Variants in CHODL observed in about 807,000 individuals in gnomAD.
CHODL encodes the protein transmembrane protein MT75.
A neutral mutation model predicts 34.5 loss-of-function variants in CHODL; 29 were observed. That is an observed-to-expected ratio of 0.84 (90% CI 0.63 to 1.15). The LOEUF (loss-of-function observed/expected upper bound fraction) is 1.15, where lower values mean the gene tolerates loss of function less well. Among genes scored for constraint, CHODL ranks in the 50% most tolerant of loss-of-function variants. The pLI, the probability that CHODL is intolerant of heterozygous loss-of-function variation, is 0.00. For missense variants in CHODL, 332 were observed against 332.5 expected (o/e 1.00, Z 0.01); for synonymous variants, 125 against 116.1 (o/e 1.08, Z -0.49).
intron 2 of CHODL, among the ~76,000 whole-genome samples, chr21:18,106,697 A>G (rs2776083): frequency 0.55 from 82,626 of 151,506 alleles, 24,309 homozygotes; most frequent in African/African-American, 0.75. Context: ...CGGTTTCACC[A>G]TGTTAGCCAG....
intron 2 of CHODL, among the ~76,000 whole-genome samples, chr21:18,208,140 G>A (rs547139877): frequency 1.6e-4 from 24 of 149,642 alleles, no homozygotes; most frequent in Non-Finnish European, 7.4e-5. Context: ...GATTTTGCAG[G>A]TGTGTTTCAT....
rs562956246 is a variant in CHODL at position 18,070,981 on chromosome 21, A to C, written c.-45+43010A>C. Among the ~76,000 whole-genome samples the C allele has an allele frequency of 2.6e-5, 4 of 152,116 alleles. No individual in the cohort carries two copies. In the East Asian group the frequency reaches 5.8e-4, roughly 22 times the overall value. On this transcript the variant is annotated intron_variant, in intron 2 of 6. Transcript: ENST00000400127. The stretch of plus-strand genomic sequence containing the variant: ...ATTTATTTGTTATTCTAAACTAGTA[A>C]ATCGCAGATATTATTTGAATATTTG...
intron 2 of CHODL, chr21:18,114,620 G>A (rs1246025828): frequency 2.6e-5 from 4 of 152,166 alleles, no homozygotes; most frequent in African/African-American, 4.8e-5. Context: ...ATTTTTACTA[G>A]AGACACGGTT....
intron 1 of CHODL, among the ~76,000 whole-genome samples, chr21:17,963,795 A>G (rs1236921908): frequency 2.6e-5 from 4 of 151,994 alleles, no homozygotes; most frequent in Admixed American, 2.6e-4. Context: ...AGCTGAAGGC[A>G]TGCCATGATT....
At chr21:17,919,338 A>G (rs1278384334) in intron 1 of CHODL, among the ~76,000 whole-genome samples, 5 of 152,156 alleles carry the variant, frequency 3.3e-5, no homozygotes, top group African/African-American at 7.2e-5. Context: ...AGGCATTTCC[A>G]TACATCCTCT....
intron 2 of CHODL, among the ~76,000 whole-genome samples, chr21:18,133,272 G>C (rs2072679752): frequency 1.3e-5 from 2 of 151,952 alleles, no homozygotes; most frequent in African/African-American, 4.8e-5. Context: ...ATTATTTCTT[G>C]TCTCTTTTCT....
chr21:18,195,896 T>C (rs1184244170), intron 2 of CHODL, among the ~76,000 whole-genome samples: 2 of 152,220 alleles, frequency 1.3e-5, no homozygotes, highest in Non-Finnish European at 2.9e-5. Context: ...AGATTGTTAG[T>C]GACTGGCATA....
chr21:18,071,864 CA>C (rs1187787743), intron 2 of CHODL, among the ~76,000 whole-genome samples: 2 of 152,116 alleles, frequency 1.3e-5, no homozygotes, highest in Non-Finnish European at 2.9e-5. Context: ...CAACCGTCTT[CA>C]AATATCAGGC....
chr21:18,020,465 C>T (rs2146424857), intron 1 of CHODL, among the ~76,000 whole-genome samples: 1 of 152,338 alleles, frequency 6.6e-6, no homozygotes, highest in Non-Finnish European at 1.5e-5. Flanking sequence ...TATTTAATTG[C>T]TATCCATCAT....
rs372684532 is a variant in CHODL at position 18,267,024 on chromosome 21, G to C, written c.*986G>C. On this transcript the variant is annotated 3_prime_UTR_variant, in exon 6 of 6. Transcript: ENST00000299295. The stretch of plus-strand genomic sequence containing the variant: ...CAGATAGTTGCAAAGTTAGTCTAAG[G>C]TTTCCCTAGCTGTATTTAGCCTCTG... 2 of 152,100 alleles carry C rather than the reference G, an allele frequency of 1.3e-5. No homozygotes were observed. Among genetic ancestry groups the C allele is most frequent in the African/African-American group, 4.8e-5 (2 of 41,338 alleles). 9.4% of individuals were successfully genotyped at this position (152,100 alleles called of 1,614,324 possible).
chr21:18,095,415 G>T (rs185416814), intron 2 of CHODL, among the ~76,000 whole-genome samples: 1 of 152,008 alleles, frequency 6.6e-6, no homozygotes, highest in East Asian at 1.9e-4. Flanking sequence ...AAAAGAAATG[G>T]GTAAATTCCC....
In CHODL at chr21:17,926,674, C is replaced by T. The variant is rs143539741; in HGVS notation, c.-145+9274C>T. Among the ~76,000 whole-genome samples, 361 of 152,184 alleles carry T rather than the reference C, an allele frequency of 2.4e-3. 3 individuals carry two copies. The highest frequency in any genetic ancestry group is 8.1e-3 in the African/African-American group (336 of 41,506). ...AACAACATGACAGAAACCGCCCCCA[C>T]GATTCATTTACCTCCACCTGGTCCC... On this transcript the variant is annotated intron_variant, in intron 1 of 6. Coordinates refer to the CHODL transcript ENST00000400127.
At chr21:18,085,301 G>A (rs2064992726) in intron 2 of CHODL, among the ~76,000 whole-genome samples, 1 of 151,984 alleles carries the variant, frequency 6.6e-6, no homozygotes, top group African/African-American at 2.4e-5. Flanking sequence ...ATATTAACAG[G>A]TGAGGCTTTG....
At chr21:18,251,695 T>A (rs1349532891) in intron 1 of CHODL, among the ~76,000 whole-genome samples, 6 of 109,420 alleles carry the variant, frequency 5.5e-5, no homozygotes, top group African/African-American at 2.1e-4. Flanking sequence ...AAATAAATAT[T>A]TTATTTATTT....
At chr21:18,091,733 G>A (rs980162665) in intron 2 of CHODL, among the ~76,000 whole-genome samples, 6 of 152,184 alleles carry the variant, frequency 3.9e-5, no homozygotes, top group Non-Finnish European at 7.3e-5. Context: ...GCCCTGAAGA[G>A]TGAGTCCCAG....
chr21:18,146,772 G>T (rs2072895522), intron 2 of CHODL, among the ~76,000 whole-genome samples: 1 of 152,132 alleles, frequency 6.6e-6, no homozygotes, highest in Admixed American at 6.5e-5. Flanking sequence ...TGAGCTCTTA[G>T]TATCCCCTTG....
intron 2 of CHODL, among the ~76,000 whole-genome samples, chr21:18,203,402 A>G (rs1028528877): frequency 6.6e-6 from 1 of 152,192 alleles, no homozygotes; most frequent in Admixed American, 6.5e-5. Flanking sequence ...ATAAATAGGC[A>G]TGCAGTTCGT....
intron 1 of CHODL, among the ~76,000 whole-genome samples, chr21:17,964,111 T>C (rs1264197803): frequency 6.6e-6 from 1 of 152,202 alleles, no homozygotes; most frequent in Non-Finnish European, 1.5e-5. Context: ...AACATAACAT[T>C]CATGCTTTGA....
At chr21:18,150,159 C>T (rs1000201776) in intron 2 of CHODL, among the ~76,000 whole-genome samples, 4 of 152,052 alleles carry the variant, frequency 2.6e-5, no homozygotes, top group Non-Finnish European at 5.9e-5. Context: ...ATCTAATGAC[C>T]TGGGATCAAT....
Sources: gnomAD v4.1 joint callset for allele counts (sites outside exome capture counted in the v4.1 genomes callset) on GRCh38, gnomAD v4.1.1 for gene constraint, MANE v1.5 for transcripts, NCBI Gene and HGNC (gene_info 2026-07-23, HGNC 2026-07-21) for gene names.